Variants in ZNF618 observed in about 807,000 individuals in gnomAD.
ZNF618 encodes the protein zinc finger protein 618, also known as neural precursor cell expressed, developmentally down-regulated 10.
Under a neutral mutation model 103.0 loss-of-function variants are expected in ZNF618, and 34 were observed. The ratio of observed to expected loss-of-function variants is 0.33; its 90% CI spans 0.25 to 0.44. The LOEUF (loss-of-function observed/expected upper bound fraction) is 0.44, where lower values mean the gene tolerates loss of function less well. ZNF618 is among the 20% of genes least tolerant of loss of function. The probability of loss-of-function intolerance (pLI) is 1.00; values close to 1 mark genes in which losing one functional copy is unlikely to be tolerated. For synonymous variants in ZNF618, 551 were observed against 542.2 expected (o/e 1.02, Z -0.23); for missense variants, 1,059 against 1,295.4 (o/e 0.82, Z 2.80).
At chr9:113,968,680 T>C (rs1205758523) in intron 1 of ZNF618, among the ~76,000 whole-genome samples, 2 of 152,232 alleles carry the variant, frequency 1.3e-5, no homozygotes, top group African/African-American at 4.8e-5. Flanking sequence ...TCTCTTGCCT[T>C]CTGCTCATAG....
At chr9:113,911,419 C>T (rs988956657) in intron 1 of ZNF618, among the ~76,000 whole-genome samples, 1 of 152,134 alleles carries the variant, frequency 6.6e-6, no homozygotes, top group African/African-American at 2.4e-5. Context: ...ACCTCTGCCT[C>T]CCAGGTTCAA....
Position 114,002,607 on chromosome 9 carries a change from T to TCC in ZNF618, c.512-16_512-15insCC, listed in dbSNP as rs2133677278. 6.2e-7 allele frequency: 1 copy of TCC among 1,601,408 alleles called. No homozygotes were observed. The highest frequency in any genetic ancestry group is 1.3e-5 in the African/African-American group (1 of 74,746). On this transcript the variant is annotated splice_polypyrimidine_tract_variant and intron_variant, in intron 5 of 14. Coordinates refer to ENST00000374126, the MANE Select transcript of ZNF618 (RefSeq NM_001318042.2). ...CCCGGTAGCCCCACCCCCATCCCTC[T>TCC]CTCTCTCTCTTTGCAGACACCGAAG...
At chr9:113,986,563 C>G (rs755717561) in intron 2 of ZNF618, among the ~76,000 whole-genome samples, 1 of 152,166 alleles carries the variant, frequency 6.6e-6, no homozygotes, top group East Asian at 1.9e-4. Flanking sequence ...TGTGTCCTCA[C>G]GTGGGGGAGA....
At chr9:114,010,832 G>A (rs1214906499) in intron 9 of ZNF618, among the ~76,000 whole-genome samples, 1 of 152,330 alleles carries the variant, frequency 6.6e-6, no homozygotes, top group African/African-American at 2.4e-5. Context: ...TGGTCCCAGT[G>A]TACTGCTGCT....
At chr9:113,945,967 C>T (rs1333843626) in intron 1 of ZNF618, among the ~76,000 whole-genome samples, 2 of 152,242 alleles carry the variant, frequency 1.3e-5, no homozygotes, top group Non-Finnish European at 2.9e-5. Flanking sequence ...GTCTCTGCTA[C>T]TCCCAGGGAC....
At chr9:114,007,515 C>A in intron 7 of ZNF618, 76 bp downstream of exon 7, 2 of 1,379,642 alleles carry the variant, frequency 1.4e-6, no homozygotes, top group East Asian at 2.4e-5. Context: ...CCAGCCCTCC[C>A]CGCCTCCCTC....
rs113819665 is a variant in ZNF618, at chr9:114,050,442, GCACACACACACACACACACACA to G, written c.*287_*308del. On this transcript the variant is annotated 3_prime_UTR_variant, in exon 15 of 15. Coordinates refer to ENST00000374126, the MANE Select transcript of ZNF618 (RefSeq NM_001318042.2). Reference sequence around the variant, plus strand: ...ATGGCCAGAGAAACTTTGCACACACGCACACACACACACACACACACACACACACACACGACCCTGGTGCGTG... The same window carrying G: ...ATGGCCAGAGAAACTTTGCACACACGCACACACACACGACCCTGGTGCGTG... 9.6e-6 allele frequency: 2 copies of G among 207,708 alleles called. No homozygotes were observed. The highest frequency in any genetic ancestry group is 5.7e-5 in the Admixed American group (1 of 17,438). 12.9% of individuals were successfully genotyped at this position (207,708 alleles called of 1,614,324 possible).
At position 113,895,639 on chromosome 9, in the gene ZNF618, C is replaced by T. The variant is rs184377857; in HGVS notation, c.33+19226C>T. ...AGATTATGTACTTATTGGTAGTGGT[C>T]GCTGAGATTGCTGTGTTGAGAAGGA... On this transcript the variant is annotated intron_variant, in intron 1 of 14. Coordinates refer to ENST00000374126, the MANE Select transcript of ZNF618 (RefSeq NM_001318042.2). Among the ~76,000 whole-genome samples, 53 of 152,138 alleles carry T rather than the reference C, an allele frequency of 3.5e-4. 1 individual carries two copies. Among genetic ancestry groups the T allele is most frequent in the African/African-American group, 9.9e-4 (41 of 41,528 alleles).
At chr9:113,934,720 C>T (rs10513223) in intron 1 of ZNF618, among the ~76,000 whole-genome samples, 57,805 of 151,980 alleles carry the variant, frequency 0.38, 11,388 homozygotes, top group Non-Finnish European at 0.43. Context: ...TTAGGCACAT[C>T]GTGAAGAAAC....
intron 1 of ZNF618, among the ~76,000 whole-genome samples, chr9:113,903,199 C>T (rs944921301): frequency 2.0e-5 from 3 of 152,004 alleles, no homozygotes; most frequent in Admixed American, 6.6e-5. Context: ...AATGCATGAG[C>T]GAATACATGT....
intron 3 of ZNF618, among the ~76,000 whole-genome samples, chr9:113,997,214 C>T (rs1315335954): frequency 1.3e-5 from 2 of 151,816 alleles, no homozygotes; most frequent in Non-Finnish European, 2.9e-5. Flanking sequence ...CTCAAGTGTT[C>T]CTCTCACCTC....
chr9:113,882,162 C>T (rs1312363934), intron 1 of ZNF618, among the ~76,000 whole-genome samples: 1 of 152,150 alleles, frequency 6.6e-6, no homozygotes, highest in African/African-American at 2.4e-5. Flanking sequence ...AGGAAATCCC[C>T]CCAGGCCAGG....
At chr9:113,883,484 A>C (rs1420236267) in intron 1 of ZNF618, among the ~76,000 whole-genome samples, 3 of 152,190 alleles carry the variant, frequency 2.0e-5, no homozygotes, top group Non-Finnish European at 4.4e-5. Context: ...ACTGAACACC[A>C]GGGGCCTGTT....
At chr9:113,914,921 A>C (rs976948351) in intron 1 of ZNF618, among the ~76,000 whole-genome samples, 1 of 152,196 alleles carries the variant, frequency 6.6e-6, no homozygotes, top group African/African-American at 2.4e-5. Flanking sequence ...TGACTGGCTC[A>C]TGAAACTTAC....
chr9:114,024,233 G>A (rs1843303882), intron 10 of ZNF618, among the ~76,000 whole-genome samples: 1 of 152,050 alleles, frequency 6.6e-6, no homozygotes, highest in African/African-American at 2.4e-5. Flanking sequence ...TCCATTAAGT[G>A]AACTTTTTAT....
At chr9:113,956,414 G>A (rs1836302935) in intron 1 of ZNF618, among the ~76,000 whole-genome samples, 1 of 152,070 alleles carries the variant, frequency 6.6e-6, no homozygotes, top group Non-Finnish European at 1.5e-5. Context: ...GGTTAGAACA[G>A]GCCATTCTTA....
intron 1 of ZNF618, among the ~76,000 whole-genome samples, chr9:113,922,676 C>T (rs975521867): frequency 6.6e-6 from 1 of 151,910 alleles, no homozygotes; most frequent in African/African-American, 2.4e-5. Context: ...ATTCTTTCAC[C>T]AACACTACAC....
intron 1 of ZNF618, among the ~76,000 whole-genome samples, chr9:113,905,812 C>T (rs892451361): frequency 7.9e-5 from 12 of 152,142 alleles, no homozygotes; most frequent in Non-Finnish European, 1.5e-4. Flanking sequence ...CCTTGCTCTT[C>T]CCAAAGTCTA....
chr9:113,958,277 C>G (rs1651833514), intron 1 of ZNF618, among the ~76,000 whole-genome samples: 1 of 152,054 alleles, frequency 6.6e-6, no homozygotes, highest in African/African-American at 2.4e-5. Flanking sequence ...CCCAGCTGGT[C>G]CCTGGACCCA....
Sources: gnomAD v4.1 joint callset for allele counts (sites outside exome capture counted in the v4.1 genomes callset) on GRCh38, gnomAD v4.1.1 for gene constraint, MANE v1.5 for transcripts, NCBI Gene and HGNC (gene_info 2026-07-23, HGNC 2026-07-21) for gene names.